The following MAP3K6 variants were observed in gnomAD, a reference collection of about 807,000 sequenced individuals.
The protein encoded by MAP3K6 is mitogen-activated protein kinase kinase kinase 6.
In MAP3K6, 105 loss-of-function variants were observed where a neutral mutation model predicts 147.1. That is an observed-to-expected ratio of 0.71 (90% CI 0.61 to 0.84). The LOEUF (loss-of-function observed/expected upper bound fraction) is 0.84, where lower values mean the gene tolerates loss of function less well. Ranked by LOEUF, MAP3K6 falls within the 40% of genes least tolerant of loss-of-function variation. MAP3K6 has a pLI of 0.00. For synonymous variants in MAP3K6, 695 were observed against 732.4 expected (o/e 0.95, Z 0.82); for missense variants, 1,569 against 1,715.0 (o/e 0.91, Z 1.50).
chr1:27,356,834 G>A, intron 24 of MAP3K6, 85 bp from the exon 25 acceptor site: 2 of 1,485,218 alleles, frequency 1.3e-6, no homozygotes, highest in Non-Finnish European at 1.8e-6. Context: ...TAGGGTGCCC[G>A]GCTCTGGGCA....
rs760038554 is a variant in MAP3K6, at chr1:27,358,616, G to C, written c.2584-5C>G. On this transcript the variant is annotated splice_polypyrimidine_tract_variant and splice_region_variant and intron_variant, in intron 19 of 28. Coordinates refer to ENST00000357582, the MANE Select transcript of MAP3K6 (RefSeq NM_004672.5). The surrounding 1 kb of genome is among the most constrained non-coding windows in gnomAD (Gnocchi z 6.2). ...ATGGACCTTGTACATACCCACCTGT[G>C]GGGGGAGGGTGAACAAGGGTGACAT... 9 of 1,613,382 alleles carry C rather than the reference G, an allele frequency of 5.6e-6. No individual in the cohort carries two copies. Among genetic ancestry groups the C allele is most frequent in the Middle Eastern group, 1.7e-4 (1 of 6,056 alleles).
Position 27,360,577 on chromosome 1 carries a change from A to C in MAP3K6, c.2054+128T>G. 2 of 1,426,172 alleles carry C rather than the reference A, an allele frequency of 1.4e-6. No homozygotes were observed. Among genetic ancestry groups the C allele is most frequent in the Non-Finnish European group, 1.9e-6 (2 of 1,075,510 alleles). 88.3% of individuals were successfully genotyped at this position (1,426,172 alleles called of 1,614,324 possible). ...TGTTCCGCCCACGGGCCCAGTCCAC[A>C]GGGCTCGAACTCTCAGGTCCTACGA... is the stretch of plus-strand genomic sequence containing the variant. On this transcript the variant is annotated intron_variant, in intron 15 of 28. Coordinates refer to ENST00000357582, the MANE Select transcript of MAP3K6 (RefSeq NM_004672.5). This position sits in a 1 kb window ranked among gnomAD's most constrained non-coding sequence, Gnocchi z 4.5.
rs761594049 is a variant in MAP3K6 at position 27,361,200 on chromosome 1, G to A, written c.1789C>T (p.Gln597Ter). 3 of 1,612,996 alleles carry A rather than the reference G, an allele frequency of 1.9e-6. No homozygotes were observed. Among genetic ancestry groups the A allele is most frequent in the Non-Finnish European group, 2.5e-6 (3 of 1,179,788 alleles). Residue 597 changes from glutamine (Q) to a stop codon, truncating the protein, a stop_gained, in exon 13 of 29, where the codon CAG becomes TAG. Transcript: ENST00000357582. LOFTEE classifies it high-confidence loss of function. ...CTGGGGAAGCACAGCTGGACGTCCT[G>A]AGCCGGGGGGAGTGCATAGAGGAAG... The part of the protein sequence containing the change: ...CCFLYALPPA[Q>*]DVQLCFPSVG...
chr1:27,361,478 G>T (rs775340284), intron 11 of MAP3K6, 42 bp downstream of exon 11: 56 of 1,612,294 alleles, frequency 3.5e-5, no homozygotes, highest in Non-Finnish European at 4.6e-5. Flanking sequence ...CACAGAAAAG[G>T]TCCTAGCAAA....
chr1:27,360,940 C>T lies in MAP3K6; in HGVS notation c.1901G>A (p.Gly634Asp), dbSNP rs2015737467. The T allele has an allele frequency of 1.2e-6, 2 of 1,607,670 alleles. No individual in the cohort carries two copies. Among genetic ancestry groups the T allele is most frequent in the Non-Finnish European group, 1.7e-6 (2 of 1,176,936 alleles). ...CCTCACCTCCAACATCTCCCCCGCGCCCTCCGCCTCCTCCGCGGGCGCCGT... is the reference window on the plus strand; with the variant it reads ...CCTCACCTCCAACATCTCCCCCGCGTCCTCCGCCTCCTCCGCGGGCGCCGT... ...DSTAPAEEAEGAGEMLEFDYE... is the reference protein window; with the variant it reads ...DSTAPAEEAEDAGEMLEFDYE... The change falls in exon 14 of 29, where the codon GGC (glycine) becomes GAC (aspartate). Residue 634 changes from glycine to aspartate, a missense_variant. Gly to Asp is a moderately conservative substitution (Grantham distance 94, BLOSUM62 -1). Transcript: ENST00000357582. This position sits in a 1 kb window ranked among gnomAD's most constrained non-coding sequence, Gnocchi z 4.5.
chr1:27,355,882 C>A (rs2015502777), intron 27 of MAP3K6, 137 bp from the exon 28 acceptor site: 1 of 1,140,672 alleles, frequency 8.8e-7, no homozygotes, highest in Admixed American at 2.0e-5. Flanking sequence ...GTTTTCTCAT[C>A]CATACAATGG....
At chr1:27,362,351 T>TAA (rs201830561) in intron 8 of MAP3K6, 101 bp from the exon 9 acceptor site, 1 of 1,232,672 alleles carries the variant, frequency 8.1e-7, no homozygotes, top group Non-Finnish European at 1.1e-6. Context: ...TAGATATGAG[T>TAA]ATGGCATTGA....
rs141438850 is a variant in MAP3K6 at position 27,356,389 on chromosome 1, T to C, written c.3636A>G (p.Pro1212=). Residue 1212 remains proline (P), a splice_region_variant and synonymous_variant, in exon 26 of 29, where the codon CCA becomes CCG. Coordinates refer to ENST00000357582, the MANE Select transcript of MAP3K6 (RefSeq NM_004672.5). ...ARTYVLAPEP[P]TALSTDQGLV... ...GTTCTCCAGCCAAGGCCCACTCACT[T>C]GGAGGCTCTGGGGCCAGGACATAGG... The C allele has an allele frequency of 8.0e-5, 128 of 1,605,360 alleles. 1 individual carries two copies. Among genetic ancestry groups the C allele is most frequent in the Non-Finnish European group, 1.0e-4 (119 of 1,176,264 alleles).
Position 27,356,471 on chromosome 1 carries a change from C to T in MAP3K6, c.3554G>A (p.Arg1185Gln), listed in dbSNP as rs766699594. The change falls in exon 26 of 29, where the codon CGG (arginine) becomes CAG (glutamine). Residue 1185 changes from arginine to glutamine, a missense_variant. By Grantham distance (43) the Arg-to-Gln change is conservative (BLOSUM62 1). Transcript: ENST00000357582. ...RLREILAGKE[R>Q]EYQALVQRAL... ...CCGCTGCACCAGGGCCTGGTACTCC[C>T]GTTCCTTCCCCGCCAGGATTTCGCG... 129 of 1,613,824 alleles carry T rather than the reference C, an allele frequency of 8.0e-5. No homozygotes were observed. The highest frequency in any genetic ancestry group is 1.1e-4 in the Non-Finnish European group (124 of 1,179,998).
At position 27,359,446 on chromosome 1, in the gene MAP3K6, C is replaced by A. The variant is rs1421311352; in HGVS notation, c.2396G>T (p.Gly799Val). ...SDFGTSKRLA[G>V]ITPCTETFTG... ...GAAGGTCTCAGTGCAAGGTGTGATG[C>A]CTGCCAGCCGCTTGGAGGTGCCGAA... is the stretch of plus-strand genomic sequence containing the variant. Residue 799 changes from glycine to valine, a missense_variant, in exon 18 of 29, where the codon GGC becomes GTC. Transcript: ENST00000357582. This position sits in a 1 kb window ranked among gnomAD's most constrained non-coding sequence, Gnocchi z 4.4. 6.2e-7 allele frequency: 1 copy of A among 1,614,034 alleles called. No homozygotes were observed. The highest frequency in any genetic ancestry group is 8.5e-7 in the Non-Finnish European group (1 of 1,180,022).
Position 27,366,476 on chromosome 1 carries a change from C to A in MAP3K6, c.122G>T (p.Arg41Leu). The change falls in exon 1 of 29, where the codon CGG becomes CTG. Residue 41 changes from arginine to leucine, a missense_variant. Physicochemically the swap from Arg to Leu is moderately radical, Grantham distance 102 (BLOSUM62 -2). Coordinates refer to ENST00000357582, the MANE Select transcript of MAP3K6 (RefSeq NM_004672.5). The surrounding 1 kb of genome is among the most constrained non-coding windows in gnomAD (Gnocchi z 5.5). ...GTAGACCACGCTGAGCGGCCGGCTC[C>A]GCGCGCAGCCCCGGCCCGGGGGCGC... is the stretch of plus-strand genomic sequence containing the variant. ...LAAPPGRGCARSRPLSVVYVL... is the reference protein window; with the variant it reads ...LAAPPGRGCALSRPLSVVYVL... 8.6e-7 allele frequency: 1 copy of A among 1,162,950 alleles called. No individual in the cohort carries two copies. The highest frequency in any genetic ancestry group is 1.1e-6 in the Non-Finnish European group (1 of 943,904). 72.0% of individuals were successfully genotyped at this position (1,162,950 alleles called of 1,614,324 possible).
At position 27,357,451 on chromosome 1, in the gene MAP3K6, C is replaced by T; in HGVS notation, c.3207G>A (p.Gln1069=). The T allele has an allele frequency of 6.2e-7, 1 of 1,613,460 alleles. No individual in the cohort carries two copies. Among genetic ancestry groups the T allele is most frequent in the Non-Finnish European group, 8.5e-7 (1 of 1,179,756 alleles). The part of the protein sequence containing the change: ...LRALQGRLRA[Q]GLGPALLHRP... ...TGTGCAGAAGCGCAGGCCCAAGGCC[C>T]TGGGCCCTCAGCCGTCCTTGCAGCG... The change falls in exon 23 of 29, where the codon CAG becomes CAA. Residue 1069 remains glutamine (Q), a synonymous_variant. Coordinates refer to ENST00000357582, the MANE Select transcript of MAP3K6 (RefSeq NM_004672.5).
rs371412898 is a variant in MAP3K6 at position 27,362,904 on chromosome 1, C to T, written c.1089G>A (p.Met363Ile). The change falls in exon 7 of 29, where the codon ATG becomes ATA. Residue 363 changes from methionine (M) to isoleucine (I), a missense_variant. Coordinates refer to ENST00000357582, the MANE Select transcript of MAP3K6 (RefSeq NM_004672.5). ...YCMCGRIYKD[M>I]FFSSGFQDAG... ...CATCCTGGAAACCCGAGCTGAAGAA[C>T]ATGTCCTTGTAGATACGGCCACACA... 36 of 1,614,050 alleles carry T rather than the reference C, an allele frequency of 2.2e-5. No homozygotes were observed. Among genetic ancestry groups the T allele is most frequent in the Non-Finnish European group, 2.9e-5 (34 of 1,180,030 alleles).
intron 8 of MAP3K6, 43 bp from the exon 9 acceptor site, chr1:27,362,293 G>C (rs2015806873): frequency 1.3e-6 from 2 of 1,564,710 alleles, no homozygotes; most frequent in Non-Finnish European, 1.7e-6. Context: ...TGGGTGCAGG[G>C]GTGAGTGAGG....
In MAP3K6 at chr1:27,366,145, C is replaced by T. The variant is rs997542828; in HGVS notation, c.340+113G>A. 2.1e-5 allele frequency: 24 copies of T among 1,116,568 alleles called. No individual in the cohort carries two copies. The South Asian group carries it at 8.5e-4, about 40-fold the overall frequency. The allele number at this position is 1,116,568 out of a possible 1,614,324, so 69.2% of individuals were successfully genotyped here. A position where few individuals can be genotyped will look rare whatever the true frequency, so the allele number is the denominator to read the frequency against. On this transcript the variant is annotated intron_variant, in intron 1 of 28. Coordinates refer to ENST00000357582, the MANE Select transcript of MAP3K6 (RefSeq NM_004672.5). This position sits in a 1 kb window ranked among gnomAD's most constrained non-coding sequence, Gnocchi z 5.5. ...CCTTCAGCTTTAGCTCACTTTAAGTCCCCTAGACCCGGTACCCCTCTCGGC... is the reference window on the plus strand; with the variant it reads ...CCTTCAGCTTTAGCTCACTTTAAGTTCCCTAGACCCGGTACCCCTCTCGGC...
chr1:27,360,189 G>T lies in MAP3K6; in HGVS notation c.2182+52C>A. ...AGGGCTCTCTACCCCTGCCTGCCTC[G>T]GTCCCATGCTTCACACCTCGGTTTC... is the stretch of plus-strand genomic sequence containing the variant. On this transcript the variant is annotated intron_variant, in intron 16 of 28. Coordinates refer to ENST00000357582, the MANE Select transcript of MAP3K6 (RefSeq NM_004672.5). This position sits in a 1 kb window ranked among gnomAD's most constrained non-coding sequence, Gnocchi z 4.5. 3.1e-6 allele frequency: 5 copies of T among 1,605,168 alleles called. No individual in the cohort carries two copies. The highest frequency in any genetic ancestry group is 1.7e-5 in the Admixed American group (1 of 59,570).
At position 27,366,716 on chromosome 1, in the gene MAP3K6, C is replaced by A. The variant is rs766092518; in HGVS notation, c.-119G>T. On this transcript the variant is annotated 5_prime_UTR_variant, in exon 1 of 29. Transcript: ENST00000357582. The surrounding 1 kb of genome is among the most constrained non-coding windows in gnomAD (Gnocchi z 5.5). ...CCGTTCGGAATCGGAGAATCTCCCA[C>A]GGGATCTAGGGATCCGGAATACGGC... 4.2e-5 allele frequency: 32 copies of A among 757,518 alleles called. No homozygotes were observed. The highest frequency in any genetic ancestry group is 5.2e-5 in the Non-Finnish European group (32 of 618,638). The allele number at this position is 757,518 out of a possible 1,614,324, so 46.9% of individuals were successfully genotyped here.
At position 27,362,717 on chromosome 1, in the gene MAP3K6, G is replaced by C; in HGVS notation, c.1179C>G (p.His393Gln). ...GGAGCACAGCTGCATTGATGCCTGA[G>C]TGAAGGCTGGGCTCTACGTCAAAAG... ...RKAFDVEPSL[H>Q]SGINAAVLLI... Residue 393 changes from histidine to glutamine, a missense_variant, in exon 8 of 29, where the codon CAC (histidine) becomes CAG (glutamine). Coordinates refer to ENST00000357582, the MANE Select transcript of MAP3K6 (RefSeq NM_004672.5). 6.2e-7 allele frequency: 1 copy of C among 1,611,470 alleles called. No individual in the cohort carries two copies. Among genetic ancestry groups the C allele is most frequent in the Non-Finnish European group, 8.5e-7 (1 of 1,178,748 alleles).
At position 27,363,160 on chromosome 1, in the gene MAP3K6, C is replaced by A. The variant is rs145911269; in HGVS notation, c.972-139G>T. ...AAAATGATAATGACCCTGGCCAGCA[C>A]TGACCTCTCTAGTGACCTCAGATGG... On this transcript the variant is annotated intron_variant, in intron 6 of 28. Coordinates refer to ENST00000357582, the MANE Select transcript of MAP3K6 (RefSeq NM_004672.5). The A allele has an allele frequency of 3.8e-3, 2,895 of 771,386 alleles. 60 individuals carry two copies. The highest frequency in any genetic ancestry group is 9.9e-3 in the East Asian group (366 of 37,062). 47.8% of individuals were successfully genotyped at this position (771,386 alleles called of 1,614,324 possible).
Sources: gnomAD v4.1 joint callset for allele counts on GRCh38, gnomAD v4.1.1 for gene constraint, Gnocchi (gnomAD v3.1) non-coding constraint, MANE v1.5 for transcripts, NCBI Gene and HGNC (gene_info 2026-07-23, HGNC 2026-07-21) for gene names.